Variants in PUM3 observed in about 807,000 individuals in gnomAD.
PUM3 encodes pumilio homolog 3.
PUM3 carries 91 observed loss-of-function variants against 84.0 expected under a neutral mutation model. The ratio of observed to expected loss-of-function variants is 1.08; its 90% confidence interval spans 0.91 to 1.29. The LOEUF is 1.29. PUM3 is among the 50% of genes most tolerant of loss of function. PUM3 has a pLI of 0.00. For synonymous variants in PUM3, 321 were observed against 266.7 expected, an observed-to-expected ratio of 1.20 and a Z score of -1.98; for missense variants, 1,067 against 767.5, an observed-to-expected ratio of 1.39 and a Z score of -4.61.
chr9:2,839,108 G>C (rs895153166), intron 1 of PUM3, among the ~76,000 whole-genome samples: 4 of 152,202 alleles, frequency 2.6e-5, no homozygotes, highest in African/African-American at 4.8e-5. Context: ...ATAAGATGTT[G>C]AAATAGTTAA....
rs936656305 is a variant in PUM3, at chr9:2,828,623, T to C, written c.956+52A>G. 21 of 1,087,352 alleles carry C rather than the reference T, an allele frequency of 1.9e-5. No individual in the cohort carries two copies. The African/African-American group carries it at 2.5e-4, about 13-fold the overall frequency. 67.4% of individuals were successfully genotyped at this position (1,087,352 alleles called of 1,614,324 possible). A position where few individuals can be genotyped will look rare whatever the true frequency, so the allele number is the denominator to read the frequency against. On this transcript the variant is annotated intron_variant, in intron 9 of 17. Transcript: ENST00000397885. The stretch of plus-strand genomic sequence containing the variant: ...TTCTGGGCAACAGTTATGGAAAACC[T>C]TCCTCCTTTGAATGTCATTTCTTAA...
At chr9:2,824,357 G>T (rs1815749015) in intron 11 of PUM3, among the ~76,000 whole-genome samples, 1 of 152,108 alleles carries the variant, frequency 6.6e-6, no homozygotes, top group African/African-American at 2.4e-5. Flanking sequence ...AATGTGTGTG[G>T]CCAGCTGTTT....
intron 12 of PUM3, among the ~76,000 whole-genome samples, chr9:2,823,164 A>G (rs539945860): frequency 1.3e-5 from 2 of 152,196 alleles, no homozygotes; most frequent in African/African-American, 4.8e-5. Context: ...CAACAGCATG[A>G]AAAATTATTT....
intron 5 of PUM3, among the ~76,000 whole-genome samples, chr9:2,832,944 G>A (rs1340155090): frequency 6.6e-6 from 1 of 152,110 alleles, no homozygotes; most frequent in Admixed American, 6.6e-5. Flanking sequence ...AAAGATCTTC[G>A]CATGATGTTT....
chr9:2,819,484 C>A (rs1821540919), intron 13 of PUM3, among the ~76,000 whole-genome samples: 1 of 152,206 alleles, frequency 6.6e-6, no homozygotes, highest in African/African-American at 2.4e-5. Flanking sequence ...TACAAAAGCT[C>A]TAAGAAGCAT....
Position 2,807,877 on chromosome 9 carries a change from T to C in PUM3, c.1751A>G (p.His584Arg). 1 of 1,613,474 alleles carries C rather than the reference T, an allele frequency of 6.2e-7. No homozygotes were observed. The highest frequency in any genetic ancestry group is 8.5e-7 in the Non-Finnish European group (1 of 1,179,692). The change falls in exon 17 of 18, where the codon CAT becomes CGT. Residue 584 changes from histidine (H) to arginine (R), a missense_variant. Transcript: ENST00000397885. ...EGCFAKTLVE[H>R]VGMKNLKSWA... ...GGACTTCAGGTTCTTCATACCAACA[T>C]GCTCTACAAGTGTTTTTGCAAAACA...
Position 2,810,294 on chromosome 9 carries a change from T to C in PUM3, c.1723+50A>G, listed in dbSNP as rs1307947844. 9.0e-6 allele frequency: 11 copies of C among 1,218,166 alleles called. No homozygotes were observed. The African/African-American group carries it at 1.5e-4, about 17-fold the overall frequency. The allele number at this position is 1,218,166 out of a possible 1,614,324, so 75.5% of individuals were successfully genotyped here. On this transcript the variant is annotated intron_variant, in intron 16 of 17. Coordinates refer to ENST00000397885, the MANE Select transcript of PUM3 (RefSeq NM_014878.5). ...TATAAAGTTCAGGGATGCCAGGAAT[T>C]ACTGGAATTCCACATGAGATACAAG...
intron 12 of PUM3, among the ~76,000 whole-genome samples, chr9:2,822,820 T>TA (rs896959077): frequency 2.7e-5 from 4 of 150,304 alleles, no homozygotes; most frequent in Non-Finnish European, 4.4e-5. Flanking sequence ...TTATGAATTA[T>TA]AAAAAATATG....
chr9:2,817,805 A>C (rs1294325601), intron 13 of PUM3, among the ~76,000 whole-genome samples: 4 of 152,208 alleles, frequency 2.6e-5, no homozygotes, highest in African/African-American at 9.7e-5. Flanking sequence ...TGTATTATTC[A>C]TACCTTTCTG....
chr9:2,821,380 C>A (rs536600324), intron 12 of PUM3, among the ~76,000 whole-genome samples: 29 of 147,012 alleles, frequency 2.0e-4, no homozygotes, highest in Non-Finnish European at 3.9e-4. Flanking sequence ...GGAGGCGGAG[C>A]TTGCAGTGAG....
At chr9:2,832,900 T>C (rs1486518126) in intron 5 of PUM3, among the ~76,000 whole-genome samples, 1 of 152,198 alleles carries the variant, frequency 6.6e-6, no homozygotes, top group African/African-American at 2.4e-5. Context: ...CAATGAAAAC[T>C]ACTTTAGAAT....
rs776001344 is a variant in PUM3, at chr9:2,837,275, T to C, written c.209A>G (p.Asn70Ser). The C allele has an allele frequency of 1.2e-6, 2 of 1,614,178 alleles. No individual in the cohort carries two copies. Among genetic ancestry groups the C allele is most frequent in the South Asian group, 1.1e-5 (1 of 91,084 alleles). Residue 70 changes from asparagine to serine, a missense_variant, in exon 3 of 18, where the codon AAT (asparagine) becomes AGT (serine). Coordinates refer to ENST00000397885, the MANE Select transcript of PUM3 (RefSeq NM_014878.5). The stretch of plus-strand genomic sequence containing the variant: ...TGGTGATTTGTCCCCTTGCTGCTTA[T>C]TCTTGAACTGCTTTACACCCTTTTT... Reference protein sequence around the residue: ...LGKKGVKQFKNKQQGDKSPKN... With the variant: ...LGKKGVKQFKSKQQGDKSPKN...
rs769466046 is a variant in PUM3 at position 2,824,742 on chromosome 9, T to C, written c.1109A>G (p.His370Arg). 1.3e-6 allele frequency: 2 copies of C among 1,581,566 alleles called. No individual in the cohort carries two copies. The highest frequency in any genetic ancestry group is 1.3e-5 in the African/African-American group (1 of 74,568). The change falls in exon 11 of 18, where the codon CAC becomes CGC. Residue 370 changes from histidine (H) to arginine (R), a missense_variant. By Grantham distance (29) the His-to-Arg change is conservative. Transcript: ENST00000397885. ...CTTGGGCGTGCCATGCCACAGGCAG[T>C]GCATGGCCACTCTGGCGCCATCGTG... ...HTHDGARVAM[H>R]CLWHGTPKDR... is the part of the protein sequence containing the mutation.
intron 9 of PUM3, among the ~76,000 whole-genome samples, 158 bp from the exon 10 acceptor site, chr9:2,827,309 A>G (rs945708947): frequency 2.6e-5 from 4 of 152,256 alleles, no homozygotes; most frequent in Non-Finnish European, 2.9e-5. Flanking sequence ...AGAAATACTA[A>G]AACTTAAACA....
At chr9:2,822,056 G>T (rs920856619) in intron 12 of PUM3, among the ~76,000 whole-genome samples, 31 of 152,030 alleles carry the variant, frequency 2.0e-4, no homozygotes, top group African/African-American at 4.8e-4. Flanking sequence ...CTCTTAACTC[G>T]GACACACATA....
At chr9:2,839,784 G>A (rs1378770663) in intron 1 of PUM3, among the ~76,000 whole-genome samples, 2 of 152,174 alleles carry the variant, frequency 1.3e-5, no homozygotes, top group Non-Finnish European at 2.9e-5. Context: ...TTCTACACCT[G>A]TAGTTTTCTA....
chr9:2,820,551 G>A (rs989827913), intron 12 of PUM3, among the ~76,000 whole-genome samples: 1 of 151,598 alleles, frequency 6.6e-6, no homozygotes, highest in African/African-American at 2.4e-5. Flanking sequence ...ACACACACAC[G>A]ATATACATAA....
At chr9:2,814,002 A>G (rs1389163494) in intron 13 of PUM3, among the ~76,000 whole-genome samples, 2 of 75,460 alleles carry the variant, frequency 2.7e-5, no homozygotes, top group Non-Finnish European at 5.4e-5. Flanking sequence ...AGATCACAGT[A>G]TAAAGATTCC....
At position 2,823,802 on chromosome 9, in the gene PUM3, A is replaced by C; in HGVS notation, c.1167T>G (p.Thr389=). The change falls in exon 12 of 18, where the codon ACT becomes ACG. Residue 389 remains threonine, a synonymous_variant. Transcript: ENST00000397885. ...DRKVIVKTMK[T]YVEKVANGQY... is the part of the protein sequence containing the mutation. ...TTACATTAGCCACCTTTTCAACATA[A>C]GTCTTCATTGTTTTCACAATCACTT... The C allele has an allele frequency of 6.6e-7, 1 of 1,519,462 alleles. No homozygotes were observed. Among genetic ancestry groups the C allele is most frequent in the South Asian group, 1.2e-5 (1 of 80,906 alleles). 94.1% of individuals were successfully genotyped at this position (1,519,462 alleles called of 1,614,324 possible). A position where few individuals can be genotyped will look rare whatever the true frequency, so the allele number is the denominator to read the frequency against.
Sources: allele counts gnomAD v4.1 joint callset (sites outside exome capture counted in the v4.1 genomes callset), GRCh38; gene constraint gnomAD v4.1.1; transcripts MANE v1.5; gene names NCBI Gene and HGNC (gene_info 2026-07-23, HGNC 2026-07-21).